Variants in ARSG observed in about 807,000 individuals in gnomAD.
ARSG encodes ASG.
ARSG carries 37 observed loss-of-function variants against 50.5 expected under a neutral mutation model. The ratio of observed to expected loss-of-function variants is 0.73; its 90% CI spans 0.56 to 0.96. The LOEUF is 0.96. Among genes scored for constraint, ARSG ranks in the 50% least tolerant of loss-of-function variants. The pLI, the probability that ARSG is intolerant of heterozygous loss-of-function variation, is 0.00. For synonymous variants in ARSG, 225 were observed against 254.6 expected, an observed-to-expected ratio of 0.88 and a Z score of 1.11; for missense variants, 629 against 675.3, an observed-to-expected ratio of 0.93 and a Z score of 0.76.
intron 5 of ARSG, 78 bp from the exon 6 acceptor site, chr17:68,356,589 T>C (rs1455783478): frequency 2.0e-6 from 3 of 1,518,830 alleles, no homozygotes; most frequent in Admixed American, 1.8e-5. Context: ...TGCATATGCA[T>C]TGTTGCATTA....
At chr17:68,413,767 C>T (rs370879568) in intron 11 of ARSG, 262 of 161,002 alleles carry the variant, frequency 1.6e-3, no homozygotes, top group East Asian at 5.1e-3. Context: ...ATCAGCGAGA[C>T]TCCGTGGGCG....
intron 1 of ARSG, among the ~76,000 whole-genome samples, chr17:68,277,742 G>A (rs560573493): frequency 6.6e-6 from 1 of 152,270 alleles, no homozygotes; most frequent in African/African-American, 2.4e-5. Flanking sequence ...ACTTTTTGAT[G>A]TTGCTTCTTA....
intron 11 of ARSG, among the ~76,000 whole-genome samples, chr17:68,414,932 G>A: frequency 6.6e-6 from 1 of 151,914 alleles, no homozygotes; most frequent in East Asian, 1.9e-4. Flanking sequence ...TCTTTTCTTG[G>A]TTAATCTTGC....
chr17:68,285,269 A>G (rs11868896), intron 1 of ARSG, among the ~76,000 whole-genome samples: 54,353 of 151,982 alleles, frequency 0.36, 9,839 homozygotes, highest in East Asian at 0.39. Flanking sequence ...GTTTTAATGG[A>G]GGGCTCAGGA....
chr17:68,373,102 G>A lies in ARSG; in HGVS notation c.982+2578G>A, dbSNP rs190376657. On this transcript the variant is annotated intron_variant, in intron 8 of 11. Coordinates refer to ENST00000621439, the MANE Select transcript of ARSG (RefSeq NM_001267727.2). ...TTGTTTTTGTATTTTTAGTAGAGAC[G>A]GGGTTTCACCATGTTGGCCAGGTTG... is the stretch of plus-strand genomic sequence containing the variant. Among the ~76,000 whole-genome samples the A allele has an allele frequency of 4.9e-4, 74 of 151,678 alleles. 1 individual carries two copies. Among genetic ancestry groups the A allele is most frequent in the African/African-American group, 1.4e-3 (56 of 41,366 alleles).
At chr17:68,309,251 A>G (rs11652095) in intron 2 of ARSG, among the ~76,000 whole-genome samples, 51,861 of 152,158 alleles carry the variant, frequency 0.34, 9,222 homozygotes, top group African/African-American at 0.45. Context: ...CAGCTGGCCC[A>G]CAAGCGCAGC....
At chr17:68,332,873 C>A (rs2077837376) in intron 2 of ARSG, among the ~76,000 whole-genome samples, 1 of 152,146 alleles carries the variant, frequency 6.6e-6, no homozygotes, top group Admixed American at 6.5e-5. Flanking sequence ...GAGACAACAC[C>A]AGTAAGCTTG....
chr17:68,317,232 T>G (rs2077101606), intron 2 of ARSG, among the ~76,000 whole-genome samples: 1 of 152,114 alleles, frequency 6.6e-6, no homozygotes, highest in Admixed American at 6.5e-5. Flanking sequence ...TCTATTTACA[T>G]GGAGATAAAA....
the ARSG span, among the ~76,000 whole-genome samples, chr17:68,439,179 T>C: frequency 3.9e-3 from 588 of 152,330 alleles, 2 homozygotes; most frequent in Admixed American, 7.8e-3. Context: ...AAAACTTGTA[T>C]ATGAATGTTC....
chr17:68,303,287 G>T (rs1555762615), intron 1 of ARSG, among the ~76,000 whole-genome samples: 2 of 151,938 alleles, frequency 1.3e-5, no homozygotes, highest in East Asian at 1.9e-4. Flanking sequence ...ACCATGCGTG[G>T]CTAATTTTTT....
chr17:68,296,279 C>T lies in ARSG; in HGVS notation c.-552+4711C>T, dbSNP rs1334385714. Among the ~76,000 whole-genome samples the T allele has an allele frequency of 2.0e-5, 3 of 152,150 alleles. No homozygotes were observed. In the East Asian group the frequency reaches 5.8e-4, roughly 29 times the overall value. ...CAGATAGTTGTTGAAGTTGTTCCAC[C>T]TGCCCTGTTCCTCAAGGCCCAATGA... On this transcript the variant is annotated intron_variant, in intron 1 of 11. Coordinates refer to ENST00000621439, the MANE Select transcript of ARSG (RefSeq NM_001267727.2).
At chr17:68,370,818 A>G (rs2146747038) in intron 8 of ARSG, among the ~76,000 whole-genome samples, 1 of 152,016 alleles carries the variant, frequency 6.6e-6, no homozygotes, top group Non-Finnish European at 1.5e-5. Context: ...CATTCCAACA[A>G]ATGAGCTTTG....
chr17:68,439,073 A>C, the ARSG span, among the ~76,000 whole-genome samples: 3 of 152,230 alleles, frequency 2.0e-5, no homozygotes, highest in Non-Finnish European at 4.4e-5. Flanking sequence ...TGGAACGTTT[A>C]GCAGTTCTTC....
intron 2 of ARSG, among the ~76,000 whole-genome samples, chr17:68,321,612 A>G (rs1463198204): frequency 1.3e-5 from 2 of 152,208 alleles, no homozygotes; most frequent in Admixed American, 1.3e-4. Context: ...TGAAGGCTGG[A>G]CACGCTTAAC....
At chr17:68,371,597 T>A (rs941520203) in intron 8 of ARSG, among the ~76,000 whole-genome samples, 11 of 152,186 alleles carry the variant, frequency 7.2e-5, no homozygotes, top group Non-Finnish European at 1.2e-4. Flanking sequence ...GACCAAATGC[T>A]TGAAAAATAC....
intron 2 of ARSG, among the ~76,000 whole-genome samples, chr17:68,308,130 C>G (rs2076680338): frequency 6.6e-6 from 1 of 152,034 alleles, no homozygotes; most frequent in South Asian, 2.1e-4. Context: ...CTGGCAAGAT[C>G]CCACTTCTAC....
the ARSG span, among the ~76,000 whole-genome samples, chr17:68,430,673 T>C: frequency 2.6e-5 from 4 of 152,176 alleles, no homozygotes; most frequent in Non-Finnish European, 5.9e-5. Flanking sequence ...CCAGCATGTG[T>C]AATGATGGAG....
chr17:68,420,936 TTC>T (rs2147623730), downstream of ARSG: 1 of 161,066 alleles, frequency 6.2e-6, no homozygotes, highest in Admixed American at 5.9e-5. Flanking sequence ...TCTCTCTCTT[TTC>T]TCTTTTTTTC....
chr17:68,427,091 G>C, downstream of ARSG: 1 of 1,506,184 alleles, frequency 6.6e-7, no homozygotes, highest in Non-Finnish European at 9.2e-7. Flanking sequence ...GGGGAGGGAG[G>C]TCACTGTTGG....
Sources: allele counts gnomAD v4.1 joint callset (sites outside exome capture counted in the v4.1 genomes callset), GRCh38; gene constraint gnomAD v4.1.1; transcripts MANE v1.5; gene names NCBI Gene and HGNC (gene_info 2026-07-23, HGNC 2026-07-21).